Variants in DYSF observed in about 807,000 individuals in gnomAD.
The protein encoded by DYSF is dysferlin.
In DYSF, 212 loss-of-function variants were observed where a neutral mutation model predicts 274.9. The observed-to-expected ratio is 0.77, with a 90% CI of 0.69 to 0.86. DYSF has a LOEUF of 0.86. DYSF is among the 40% of genes least tolerant of loss of function. The pLI, the probability that DYSF is intolerant of heterozygous loss-of-function variation, is 0.00. For synonymous variants in DYSF, 1,091 were observed against 1,078.7 expected (o/e 1.01, Z -0.22); for missense variants, 2,666 against 2,783.2 (o/e 0.96, Z 0.95).
intron 28 of DYSF, 38 bp from the exon 29 acceptor site, chr2:71,570,561 A>G (rs367887813): frequency 8.7e-6 from 14 of 1,610,218 alleles, no homozygotes; most frequent in African/African-American, 8.0e-5. Context: ...GATGGGGGGA[A>G]CTGCCAAGCA....
In DYSF at chr2:71,598,651, T is replaced by A; in HGVS notation, c.3662T>A (p.Leu1221His). Residue 1221 changes from leucine to histidine, a missense_variant, in exon 33 of 56, where the codon CTC becomes CAC. Around this residue, in one of 3 missense-constraint regions of DYSF, gnomAD observed 1,460 missense variants for 1,502.1 expected, o/e 0.97. Coordinates refer to ENST00000410020, the MANE Select transcript of DYSF (RefSeq NM_001130987.2). ...NTLNPTWDQTLIFYEIEIFGE... is the reference protein window; with the variant it reads ...NTLNPTWDQTHIFYEIEIFGE... ...CTTAACCCCACCTGGGACCAGACGCTCATCTTCTACGAGATCGAGATCTTT... is the reference window on the plus strand; with the variant it reads ...CTTAACCCCACCTGGGACCAGACGCACATCTTCTACGAGATCGAGATCTTT... 1 of 1,614,148 alleles carries A rather than the reference T, an allele frequency of 6.2e-7. No homozygotes were observed. The highest frequency in any genetic ancestry group is 8.5e-7 in the Non-Finnish European group (1 of 1,180,048).
intron 9 of DYSF, 74 bp downstream of exon 9, chr2:71,516,316 G>A (rs889860112): frequency 2.1e-6 from 3 of 1,417,224 alleles, no homozygotes; most frequent in African/African-American, 1.4e-5. Flanking sequence ...ACGCGTGTGT[G>A]TTTGTGCACG....
chr2:71,565,640 G>T (rs1010149842), intron 24 of DYSF, among the ~76,000 whole-genome samples: 1 of 152,166 alleles, frequency 6.6e-6, no homozygotes, highest in Non-Finnish European at 1.5e-5. Flanking sequence ...CAGTCCTCTT[G>T]TTGTCCCCTG....
At chr2:71,552,514 G>A (rs1253204002) in intron 19 of DYSF, among the ~76,000 whole-genome samples, 1 of 152,362 alleles carries the variant, frequency 6.6e-6, no homozygotes, top group African/African-American at 2.4e-5. Flanking sequence ...TCAGAGCCTG[G>A]AGGGGACAAT....
intron 16 of DYSF, among the ~76,000 whole-genome samples, chr2:71,536,422 G>GCGACCA (rs1424877883): frequency 2.0e-5 from 3 of 152,276 alleles, no homozygotes; most frequent in Admixed American, 1.3e-4. Context: ...CGCAAGGGCA[G>GCGACCA]CGACCACGGG....
intron 4 of DYSF, among the ~76,000 whole-genome samples, 192 bp from the exon 5 acceptor site, chr2:71,511,615 G>A (rs1011011567): frequency 2.0e-5 from 3 of 152,150 alleles, no homozygotes; most frequent in Admixed American, 6.5e-5. Flanking sequence ...ACCTGACCCC[G>A]GATTCTGTGC....
At position 71,553,174 on chromosome 2, in the gene DYSF, G is replaced by C. The variant is rs150417363; in HGVS notation, c.1970G>C (p.Arg657Pro). Residue 657 changes from arginine to proline, a missense_variant, in exon 20 of 56, where the codon CGT becomes CCT. Arg to Pro is a moderately radical substitution (Grantham distance 103). Coordinates refer to ENST00000410020, the MANE Select transcript of DYSF (RefSeq NM_001130987.2). ...CTGGCCTCCACCACTCAGTACAGCCGTGCAGTCTTTGACGGTGAGGCAGTG... is the reference window on the plus strand; with the variant it reads ...CTGGCCTCCACCACTCAGTACAGCCCTGCAGTCTTTGACGGTGAGGCAGTG... ...LPLASTTQYS[R>P]AVFDGCHYYY... The C allele has an allele frequency of 6.2e-7, 1 of 1,614,078 alleles. No individual in the cohort carries two copies. Among genetic ancestry groups the C allele is most frequent in the South Asian group, 1.1e-5 (1 of 91,082 alleles).
chr2:71,584,475 C>T (rs1043734904), intron 30 of DYSF, among the ~76,000 whole-genome samples: 8 of 152,184 alleles, frequency 5.3e-5, no homozygotes, highest in Non-Finnish European at 1.0e-4. Flanking sequence ...AGTGAGTCCA[C>T]ATTAATCCCT....
chr2:71,466,719 C>T lies in DYSF; in HGVS notation c.-124C>T. ...TGGTCACTTCTCCGCGGAGGAGCAG[C>T]GAAGGCGACAGCTCTCTTGGCGCGG... On this transcript the variant is annotated 5_prime_UTR_variant, in exon 1 of 56. Coordinates refer to ENST00000410020, the MANE Select transcript of DYSF (RefSeq NM_001130987.2). The T allele has an allele frequency of 2.2e-6, 3 of 1,394,044 alleles. No homozygotes were observed. Among genetic ancestry groups the T allele is most frequent in the South Asian group, 3.2e-5 (2 of 62,138 alleles). 86.4% of individuals were successfully genotyped at this position (1,394,044 alleles called of 1,614,324 possible).
rs550398157 is a variant in DYSF at position 71,565,225 on chromosome 2, C to T, written c.2565+1012C>T. Among the ~76,000 whole-genome samples, 6 of 148,806 alleles carry T rather than the reference C, an allele frequency of 4.0e-5. No individual in the cohort carries two copies. The South Asian group carries it at 6.4e-4, about 16-fold the overall frequency. ...CCTCCTGAGTAGCTGGGATTATAGG[C>T]GTTTGCCAACCCACCCAGCTCTTTT... On this transcript the variant is annotated intron_variant, in intron 24 of 55. Transcript: ENST00000410020.
rs1225947195 is a variant in DYSF, at chr2:71,618,047, TGTGTGTGTGTGGTAGAGATGGG to T, written c.4465-2460_4465-2439del. Among the ~76,000 whole-genome samples, 364 of 111,540 alleles carry T rather than the reference TGTGTGTGTGTGGTAGAGATGGG, an allele frequency of 3.3e-3. 11 individuals are homozygous for T. Among genetic ancestry groups the T allele is most frequent in the African/African-American group, 0.012 (334 of 28,732 alleles). 73.2% of individuals were successfully genotyped at this position (111,540 alleles called of 152,430 possible). A position where few individuals can be genotyped will look rare whatever the true frequency, so the allele number is the denominator to read the frequency against. ...GTGTGTGTGGTAGAGATGGTGTGTGTGTGTGTGTGTGGTAGAGATGGGGTGTGTGTGTGGTAGAGATGGGGTG... is the reference window on the plus strand; with the variant it reads ...GTGTGTGTGGTAGAGATGGTGTGTGTGTGTGTGTGTGGTAGAGATGGGGTG... On this transcript the variant is annotated intron_variant, in intron 40 of 55. Transcript: ENST00000410020.
rs376588911 is a variant in DYSF at position 71,682,590 on chromosome 2, G to A, written c.6234G>A (p.Leu2078=). ...CATACAAGACCATGAAGTTCATCCT[G>A]TGGCGGCGTTTCCGGTGGGCCATCA... ...TSPYKTMKFI[L]WRRFRWAIIL... is the part of the protein sequence containing the mutation. The change falls in exon 55 of 56, where the codon CTG becomes CTA. Residue 2078 remains leucine, a synonymous_variant. Transcript: ENST00000410020. The A allele has an allele frequency of 6.8e-6, 11 of 1,614,008 alleles. No individual in the cohort carries two copies. The African/African-American group carries it at 1.2e-4, about 18-fold the overall frequency.
intron 12 of DYSF, among the ~76,000 whole-genome samples, chr2:71,521,316 G>A (rs1319974386): frequency 6.6e-6 from 1 of 152,232 alleles, no homozygotes; most frequent in Non-Finnish European, 1.5e-5. Context: ...TGAGAAAAAT[G>A]TTGAGAGCAG....
At chr2:71,456,414 G>T (rs558690006) in intron 1 of DYSF, among the ~76,000 whole-genome samples, 20 of 152,216 alleles carry the variant, frequency 1.3e-4, no homozygotes, top group African/African-American at 4.1e-4. Flanking sequence ...TGACATTCAG[G>T]CCTGCTCGCT....
chr2:71,563,314 C>G (rs771787888), intron 23 of DYSF, among the ~76,000 whole-genome samples: 6 of 152,206 alleles, frequency 3.9e-5, no homozygotes, highest in Non-Finnish European at 5.9e-5. Context: ...TGAAGCGACG[C>G]ATGGGCATGC....
intron 45 of DYSF, among the ~76,000 whole-genome samples, chr2:71,662,518 GTGTC>G (rs36228846): frequency 0.093 from 14,120 of 151,080 alleles, 714 homozygotes; most frequent in South Asian, 0.18. Flanking sequence ...ATGTGTATGT[GTGTC>G]TGTGTTCGTG....
At chr2:71,671,279 C>T (rs1054837646) in intron 51 of DYSF, among the ~76,000 whole-genome samples, 1 of 152,194 alleles carries the variant, frequency 6.6e-6, no homozygotes, top group Non-Finnish European at 1.5e-5. Flanking sequence ...TCAAGGAAAG[C>T]ATGGGCCGTT....
chr2:71,483,487 G>A (rs1055409314), intron 3 of DYSF, among the ~76,000 whole-genome samples: 2 of 152,190 alleles, frequency 1.3e-5, no homozygotes, highest in African/African-American at 4.8e-5. Flanking sequence ...ATTCCAGCGT[G>A]TGGATGTGGC....
intron 40 of DYSF, 86 bp from the exon 41 acceptor site, chr2:71,620,461 A>C: frequency 7.1e-7 from 1 of 1,407,274 alleles, no homozygotes; most frequent in Non-Finnish European, 9.8e-7. Flanking sequence ...GTGCCTGGTC[A>C]GAGAGCGCTA....
Sources: gnomAD v4.1 joint callset for allele counts (sites outside exome capture counted in the v4.1 genomes callset) on GRCh38, gnomAD v4.1.1 for gene constraint, gnomAD v4.1.1 regional missense constraint, MANE v1.5 for transcripts, NCBI Gene and HGNC (gene_info 2026-07-23, HGNC 2026-07-21) for gene names.